Variants in DSCAML1 observed in about 807,000 individuals in gnomAD.
DSCAML1 encodes the protein cell adhesion molecule DSCAML1.
A neutral mutation model predicts 200.5 loss-of-function variants in DSCAML1; 38 were observed. That is an observed-to-expected ratio of 0.19 (90% CI 0.15 to 0.25). The LOEUF (loss-of-function observed/expected upper bound fraction) is 0.25, where lower values mean the gene tolerates loss of function less well. Ranked by LOEUF, DSCAML1 falls within the 10% of genes least tolerant of loss-of-function variation. The pLI, the probability that DSCAML1 is intolerant of heterozygous loss-of-function variation, is 1.00. For synonymous variants in DSCAML1, 1,215 were observed against 1,165.0 expected (o/e 1.04, Z -0.87); for missense variants, 2,223 against 2,858.8 (o/e 0.78, Z 5.07).
intron 3 of DSCAML1, among the ~76,000 whole-genome samples, chr11:117,748,690 T>C (rs568492787): frequency 3.3e-4 from 50 of 152,198 alleles, no homozygotes; most frequent in Non-Finnish European, 6.3e-4. Flanking sequence ...TAGTGTTGCA[T>C]GTTGCCCAGC....
chr11:117,642,656 C>G lies in DSCAML1; in HGVS notation c.512-110134G>C, dbSNP rs2052435894. ...ATCCCTGCCCATAGTTGCAGTGGCC[C>G]AGAGTGGGATCTGTGGCTCCTGGCT... On this transcript the variant is annotated intron_variant, in intron 3 of 32. Coordinates refer to ENST00000651296, the MANE Select transcript of DSCAML1 (RefSeq NM_020693.4). This position sits in a 1 kb window ranked among gnomAD's most constrained non-coding sequence, Gnocchi z 4.1. Among the ~76,000 whole-genome samples the G allele has an allele frequency of 6.6e-6, 1 of 152,206 alleles. No homozygotes were observed. Among genetic ancestry groups the G allele is most frequent in the Admixed American group, 6.5e-5 (1 of 15,284 alleles).
intron 3 of DSCAML1, among the ~76,000 whole-genome samples, chr11:117,773,409 T>A (rs17311024): frequency 0.079 from 12,051 of 152,080 alleles, 523 homozygotes; most frequent in African/African-American, 0.11. Flanking sequence ...CGGAAGCTGA[T>A]CCTGAAGTGT....
At chr11:117,816,839 T>C (rs1461414003) in intron 1 of DSCAML1, among the ~76,000 whole-genome samples, 1 of 151,062 alleles carries the variant, frequency 6.6e-6, no homozygotes, top group East Asian at 1.9e-4. Flanking sequence ...CCCCAAAGCA[T>C]TTAGAAAAAC....
rs1565666489 is a variant in DSCAML1, at chr11:117,428,515, G to C, written c.5975C>G (p.Pro1992Arg). Residue 1992 changes from proline to arginine, a missense_variant, in exon 33 of 33, where the codon CCT becomes CGT. Around this residue, in one of 7 missense-constraint regions of DSCAML1, gnomAD observed 280 missense variants for 213.4 expected, o/e 1.31. Transcript: ENST00000651296. ...GTAPPAPGPT[P>R]AEPPTAPSAA... ...GCTGGGGGCGGTGGGTGGCTCAGCAGGGGTGGGGCCGGGGGCTGGGGGGGC... is the reference window on the plus strand; with the variant it reads ...GCTGGGGGCGGTGGGTGGCTCAGCACGGGTGGGGCCGGGGGCTGGGGGGGC... The C allele has an allele frequency of 2.7e-6, 4 of 1,501,760 alleles. No homozygotes were observed. Among genetic ancestry groups the C allele is most frequent in the Non-Finnish European group, 3.6e-6 (4 of 1,115,620 alleles). 93.0% of individuals were successfully genotyped at this position (1,501,760 alleles called of 1,614,324 possible).
At chr11:117,488,578 A>T (rs1425092066) in intron 11 of DSCAML1, among the ~76,000 whole-genome samples, 1 of 152,088 alleles carries the variant, frequency 6.6e-6, no homozygotes, top group Non-Finnish European at 1.5e-5. Flanking sequence ...GGGCAGTGTC[A>T]GAAACACACC....
intron 3 of DSCAML1, among the ~76,000 whole-genome samples, chr11:117,540,343 C>T (rs2050245135): frequency 6.6e-6 from 1 of 152,068 alleles, no homozygotes; most frequent in African/African-American, 2.4e-5. Flanking sequence ...GTTGCACGCT[C>T]CTTATGAGAA....
chr11:117,573,930 C>G (rs1191731639), intron 3 of DSCAML1, among the ~76,000 whole-genome samples: 1 of 152,224 alleles, frequency 6.6e-6, no homozygotes, highest in Non-Finnish European at 1.5e-5. Context: ...CTGTGAGTCC[C>G]TCATGCTCGG....
At chr11:117,783,245 C>T (rs559123046) in intron 1 of DSCAML1, among the ~76,000 whole-genome samples, 2 of 152,256 alleles carry the variant, frequency 1.3e-5, no homozygotes, top group South Asian at 4.1e-4. Flanking sequence ...CCTAGGTAAT[C>T]AGGCACTCTC....
chr11:117,463,366 T>C lies in DSCAML1; in HGVS notation c.3265+1576A>G. Among the ~76,000 whole-genome samples the C allele has an allele frequency of 7.1e-6, 1 of 140,468 alleles. No individual in the cohort carries two copies. The highest frequency in any genetic ancestry group is 2.0e-4 in the East Asian group (1 of 4,960). The allele number at this position is 140,468 out of a possible 152,430, so 92.2% of individuals were successfully genotyped here. A position where few individuals can be genotyped will look rare whatever the true frequency, so the allele number is the denominator to read the frequency against. ...GAACTTATTAGAAATAATACATCCT[T>C]TTTTTTTTTTTTTTAGAGATGGGGT... On this transcript the variant is annotated intron_variant, in intron 17 of 32. Transcript: ENST00000651296. The surrounding 1 kb of genome is among the most constrained non-coding windows in gnomAD (Gnocchi z 4.0).
chr11:117,521,094 T>C (rs1442681008), intron 6 of DSCAML1, 36 bp downstream of exon 6: 14 of 1,602,004 alleles, frequency 8.7e-6, no homozygotes, highest in Non-Finnish European at 1.1e-5. Flanking sequence ...TCGGCAGCCC[T>C]GAACCCGCCC....
chr11:117,632,074 C>A (rs1194632649), intron 3 of DSCAML1, among the ~76,000 whole-genome samples: 3 of 152,244 alleles, frequency 2.0e-5, no homozygotes, highest in African/African-American at 7.2e-5. Context: ...AGGAACTCTG[C>A]CCGATGTCGA....
intron 32 of DSCAML1, 138 bp downstream of exon 32, chr11:117,430,584 G>T: frequency 2.1e-6 from 2 of 969,856 alleles, no homozygotes; most frequent in South Asian, 1.7e-5. Flanking sequence ...CCTTGCTGTT[G>T]GTACCACCCT....
chr11:117,580,665 C>G (rs186954060), intron 3 of DSCAML1, among the ~76,000 whole-genome samples: 36 of 152,322 alleles, frequency 2.4e-4, no homozygotes, highest in African/African-American at 8.2e-4. Flanking sequence ...ATTTCCTTCT[C>G]TCTCTCTCTT....
chr11:117,441,605 A>G (rs2048050699), intron 21 of DSCAML1, among the ~76,000 whole-genome samples: 1 of 152,096 alleles, frequency 6.6e-6, no homozygotes, highest in Admixed American at 6.5e-5. Flanking sequence ...GATTTAAAGG[A>G]ACCAAGTGCC....
intron 3 of DSCAML1, among the ~76,000 whole-genome samples, chr11:117,684,598 A>G (rs2053373954): frequency 6.6e-6 from 1 of 152,182 alleles, no homozygotes; most frequent in Admixed American, 6.5e-5. Context: ...TTCATTAAAA[A>G]AAGAAAAGAC....
At chr11:117,587,167 AC>A (rs2051160294) in intron 3 of DSCAML1, among the ~76,000 whole-genome samples, 1 of 150,898 alleles carries the variant, frequency 6.6e-6, no homozygotes, top group Non-Finnish European at 1.5e-5. Context: ...TTTGACCACC[AC>A]CCTCACTCCT....
chr11:117,632,793 T>C (rs1206354196), intron 3 of DSCAML1, among the ~76,000 whole-genome samples: 3 of 152,232 alleles, frequency 2.0e-5, no homozygotes, highest in Admixed American at 6.5e-5. Flanking sequence ...TAATTCATAA[T>C]AATAGTAACT....
intron 32 of DSCAML1, 107 bp from the exon 33 acceptor site, chr11:117,428,910 A>G (rs2047725202): frequency 8.7e-7 from 1 of 1,154,810 alleles, no homozygotes; most frequent in Non-Finnish European, 1.2e-6. Context: ...CTGATTTGGC[A>G]TAGGGGCCCC....
At chr11:117,596,442 G>A (rs937572431) in intron 3 of DSCAML1, among the ~76,000 whole-genome samples, 9 of 141,384 alleles carry the variant, frequency 6.4e-5, no homozygotes, top group Admixed American at 2.7e-4. Context: ...ACACATATGT[G>A]TCCGGTTGAG....
Sources: allele counts gnomAD v4.1 joint callset (sites outside exome capture counted in the v4.1 genomes callset), GRCh38; gene constraint gnomAD v4.1.1; regional missense constraint gnomAD v4.1.1; non-coding constraint Gnocchi (gnomAD v3.1); transcripts MANE v1.5; gene names NCBI Gene and HGNC (gene_info 2026-07-23, HGNC 2026-07-21).